NEO1: variants seen among roughly 807,000 people sequenced by gnomAD.
The protein encoded by NEO1 is neogenin 1.
A neutral mutation model predicts 159.7 loss-of-function variants in NEO1; 63 were observed. The ratio of observed to expected loss-of-function variants is 0.39; its 90% CI spans 0.32 to 0.49. NEO1 has a LOEUF of 0.49. Among genes scored for constraint, NEO1 ranks in the 20% least tolerant of loss-of-function variants. The pLI is 0.85. For synonymous variants in NEO1, 633 were observed against 662.0 expected, an observed-to-expected ratio of 0.96 and a Z score of 0.67; for missense variants, 1,615 against 1,831.0, an observed-to-expected ratio of 0.88 and a Z score of 2.15.
intron 7 of NEO1, among the ~76,000 whole-genome samples, chr15:73,233,888 C>T (rs2039042085): frequency 1.3e-5 from 2 of 152,318 alleles, no homozygotes; most frequent in East Asian, 3.9e-4. Context: ...TGGTTCATAT[C>T]AGCTTGGGGT....
chr15:73,262,675 T>C (rs1201310301), intron 15 of NEO1, among the ~76,000 whole-genome samples: 1 of 152,188 alleles, frequency 6.6e-6, no homozygotes, highest in Admixed American at 6.5e-5. Context: ...GTACAACCAC[T>C]TTGGAAAACA....
At chr15:73,060,515 G>A (rs1291385495) in intron 1 of NEO1, among the ~76,000 whole-genome samples, 2 of 152,040 alleles carry the variant, frequency 1.3e-5, no homozygotes, top group South Asian at 2.1e-4. Context: ...TGATCTGCCC[G>A]CCTCGGCCTC....
intron 7 of NEO1, among the ~76,000 whole-genome samples, chr15:73,216,957 G>T (rs1017185830): frequency 5.1e-4 from 77 of 151,404 alleles, no homozygotes; most frequent in African/African-American, 1.6e-3. Flanking sequence ...GTCAATTTTG[G>T]CTTTTGTTGC....
In NEO1 at chr15:73,126,499, A is replaced by T. The variant is rs1433411006; in HGVS notation, c.807A>T (p.Pro269=). The change falls in exon 4 of 29, where the codon CCA becomes CCT. Residue 269 remains proline, a synonymous_variant. Transcript: ENST00000261908. ...VRVIGQDVVL[P]CVASGLPTPT... Reference sequence around the variant, plus strand: ...TCATTGGTCAGGATGTAGTGTTGCCATGTGTTGCTTCAGGACTTCCTACTC... The same window carrying T: ...TCATTGGTCAGGATGTAGTGTTGCCTTGTGTTGCTTCAGGACTTCCTACTC... 19 of 1,613,482 alleles carry T rather than the reference A, an allele frequency of 1.2e-5. No homozygotes were observed. Among genetic ancestry groups the T allele is most frequent in the Admixed American group, 1.7e-5 (1 of 59,936 alleles).
chr15:73,185,816 G>A (rs1437135635), intron 7 of NEO1, among the ~76,000 whole-genome samples: 2 of 152,104 alleles, frequency 1.3e-5, no homozygotes, highest in African/African-American at 4.8e-5. Context: ...TCTAAGATGG[G>A]ACAATATCAG....
chr15:73,144,273 A>G (rs1279352239), intron 5 of NEO1, among the ~76,000 whole-genome samples: 2 of 152,276 alleles, frequency 1.3e-5, no homozygotes, highest in Non-Finnish European at 2.9e-5. Flanking sequence ...AGTTTTATTC[A>G]TTCCCATTTT....
rs561726502 is a variant in NEO1, at chr15:73,282,831, G to A, written c.3263-133G>A. The A allele has an allele frequency of 1.4e-5, 15 of 1,062,682 alleles. No homozygotes were observed. The East Asian group carries it at 1.4e-4, about 10-fold the overall frequency. The allele number at this position is 1,062,682 out of a possible 1,614,324, so 65.8% of individuals were successfully genotyped here. On this transcript the variant is annotated intron_variant, in intron 22 of 28. Coordinates refer to ENST00000261908, the MANE Select transcript of NEO1 (RefSeq NM_002499.4). ...CTAGAGAAGAGAGCCATGTTCACGC[G>A]GCACTTTTATATAAGTCAGAGCAAT...
chr15:73,223,359 A>C (rs2038397018), intron 7 of NEO1, among the ~76,000 whole-genome samples: 1 of 151,812 alleles, frequency 6.6e-6, no homozygotes, highest in Non-Finnish European at 1.5e-5. Flanking sequence ...TTGATGACCC[A>C]TCTAGTGCTG....
intron 8 of NEO1, among the ~76,000 whole-genome samples, chr15:73,239,109 T>G (rs537114364): frequency 1.3e-5 from 2 of 152,128 alleles, no homozygotes; most frequent in Non-Finnish European, 2.9e-5. Flanking sequence ...CCTCCCAAAG[T>G]GCTGGAATTA....
rs1256227373 is a variant in NEO1, at chr15:73,298,559, A to G, written c.4113A>G (p.Gly1371=). The change falls in exon 27 of 29, where the codon GGA becomes GGG. Residue 1371 remains glycine, a synonymous_variant. Coordinates refer to ENST00000261908, the MANE Select transcript of NEO1 (RefSeq NM_002499.4). ...CCGTGCCAGCAATCCCGCCTCCAGGACCTCCCACCTATGATCCTGCATTGC... is the reference window on the plus strand; with the variant it reads ...CCGTGCCAGCAATCCCGCCTCCAGGGCCTCCCACCTATGATCCTGCATTGC... ...SFAVPAIPPP[G]PPTYDPALPS... 12 of 1,613,868 alleles carry G rather than the reference A, an allele frequency of 7.4e-6. No individual in the cohort carries two copies. Among genetic ancestry groups the G allele is most frequent in the East Asian group, 2.2e-5 (1 of 44,872 alleles).
chr15:73,137,049 C>T (rs2031840293), intron 5 of NEO1, among the ~76,000 whole-genome samples: 1 of 152,152 alleles, frequency 6.6e-6, no homozygotes, highest in Admixed American at 6.5e-5. Flanking sequence ...GGGGCCTCAG[C>T]CTCCTCTTTT....
intron 5 of NEO1, among the ~76,000 whole-genome samples, chr15:73,144,959 C>T (rs933733700): frequency 6.6e-6 from 1 of 152,120 alleles, no homozygotes; most frequent in African/African-American, 2.4e-5. Context: ...TCATCTCTTA[C>T]CTATATTACT....
intron 27 of NEO1, among the ~76,000 whole-genome samples, chr15:73,299,554 T>C (rs1414087685): frequency 6.6e-6 from 1 of 152,112 alleles, no homozygotes; most frequent in Non-Finnish European, 1.5e-5. Flanking sequence ...CGCAGCTAAT[T>C]TTTTGTGTAT....
At position 73,135,884 on chromosome 15, in the gene NEO1, AAC is replaced by A. The variant is rs1555434482; in HGVS notation, c.879-3_879-2del. 6.2e-5 allele frequency: 88 copies of A among 1,408,074 alleles called. No homozygotes were observed. In the Middle Eastern group the frequency reaches 7.5e-4, roughly 12 times the overall value. The allele number at this position is 1,408,074 out of a possible 1,614,324, so 87.2% of individuals were successfully genotyped here. A position where few individuals can be genotyped will look rare whatever the true frequency, so the allele number is the denominator to read the frequency against. ...GTATCTTTTTTTTTTTTTTTTTTTT[AAC>A]ACAGCTCTGAAAGATTGGTATTGCT... On this transcript the variant is annotated splice_polypyrimidine_tract_variant and splice_region_variant and intron_variant, in intron 4 of 28. Transcript: ENST00000261908.
chr15:73,103,437 G>A (rs1178502097), intron 1 of NEO1, among the ~76,000 whole-genome samples: 1 of 152,182 alleles, frequency 6.6e-6, no homozygotes, highest in Non-Finnish European at 1.5e-5. Context: ...CTTTGACAGA[G>A]TGTCTTCTGC....
chr15:73,272,869 C>G (rs1267805919), intron 19 of NEO1, among the ~76,000 whole-genome samples: 1 of 151,088 alleles, frequency 6.6e-6, no homozygotes, highest in African/African-American at 2.4e-5. Context: ...TCTTCTCTGT[C>G]TCCGCCTAGA....
intron 21 of NEO1, among the ~76,000 whole-genome samples, chr15:73,276,404 C>G (rs2041426631): frequency 6.6e-6 from 1 of 152,168 alleles, no homozygotes; most frequent in African/African-American, 2.4e-5. Flanking sequence ...ACCTGAAGAG[C>G]CTTGCAGGTG....
intron 1 of NEO1, among the ~76,000 whole-genome samples, chr15:73,114,602 G>A (rs2071194222): frequency 6.6e-6 from 1 of 152,114 alleles, no homozygotes; most frequent in South Asian, 2.1e-4. Context: ...GAAATAAAAA[G>A]CAAGACAGTG....
intron 7 of NEO1, among the ~76,000 whole-genome samples, chr15:73,218,732 C>T (rs2038053481): frequency 6.6e-6 from 1 of 152,150 alleles, no homozygotes; most frequent in Non-Finnish European, 1.5e-5. Context: ...TTGTAGTATT[C>T]CCTGATGGTA....
Sources: allele counts gnomAD v4.1 joint callset (sites outside exome capture counted in the v4.1 genomes callset), GRCh38; gene constraint gnomAD v4.1.1; transcripts MANE v1.5; gene names NCBI Gene and HGNC (gene_info 2026-07-23, HGNC 2026-07-21).